The following EVC2 variants were observed in gnomAD, a reference collection of about 807,000 sequenced individuals.
EVC2 encodes limbin.
A neutral mutation model predicts 149.3 loss-of-function variants in EVC2; 148 were observed. The ratio of observed to expected loss-of-function variants is 0.99; its 90% CI spans 0.87 to 1.14. The LOEUF is 1.14. EVC2 is among the 50% of genes most tolerant of loss of function. The probability of loss-of-function intolerance (pLI) is 0.00; values close to 1 mark genes in which losing one functional copy is unlikely to be tolerated. For missense variants in EVC2, 1,854 were observed against 1,627.3 expected (o/e 1.14, Z -2.40); for synonymous variants, 776 against 649.9 (o/e 1.19, Z -2.95).
intron 11 of EVC2, among the ~76,000 whole-genome samples, chr4:5,630,813 A>G (rs776886001): frequency 2.7e-4 from 41 of 152,184 alleles, no homozygotes; most frequent in Non-Finnish European, 5.3e-4. Context: ...CTAAAGAATG[A>G]CATTTGCATT....
chr4:5,542,639 G>C (rs1721535217), downstream of EVC2: 1 of 157,128 alleles, frequency 6.4e-6, no homozygotes, highest in African/African-American at 2.4e-5. Flanking sequence ...TCTGTGCCCA[G>C]TATTTGATGA....
At chr4:5,688,744 C>A (rs951909308) in intron 5 of EVC2, among the ~76,000 whole-genome samples, 2 of 152,166 alleles carry the variant, frequency 1.3e-5, no homozygotes, top group Non-Finnish European at 2.9e-5. Flanking sequence ...TCAACCCACT[C>A]CCACTCTGTC....
chr4:5,547,980 C>T (rs1205773437), intron 21 of EVC2, among the ~76,000 whole-genome samples: 2 of 152,158 alleles, frequency 1.3e-5, no homozygotes, highest in African/African-American at 4.8e-5. Flanking sequence ...TGGAAGCTAC[C>T]TGTGGTGCAC....
chr4:5,577,725 C>T (rs73794657), intron 17 of EVC2, among the ~76,000 whole-genome samples: 4,938 of 152,264 alleles, frequency 0.032, 263 homozygotes, highest in African/African-American at 0.11. Context: ...TTCTATCCCC[C>T]CCAAGCATTT....
At chr4:5,669,080 C>T (rs1456444960) in intron 7 of EVC2, among the ~76,000 whole-genome samples, 2 of 152,132 alleles carry the variant, frequency 1.3e-5, no homozygotes, top group African/African-American at 4.8e-5. Context: ...TCAAGGAATG[C>T]TAAGGATTTC....
rs144730069 is a variant in EVC2 at position 5,681,266 on chromosome 4, G to A, written c.864C>T (p.Asn288=). The A allele has an allele frequency of 4.3e-3, 6,937 of 1,614,144 alleles. 31 individuals are homozygous for A. Among genetic ancestry groups the A allele is most frequent in the Non-Finnish European group, 5.3e-3 (6,285 of 1,179,982 alleles). Residue 288 remains asparagine (N), a synonymous_variant, in exon 7 of 22, where the codon AAC becomes AAT. Coordinates refer to ENST00000344408, the MANE Select transcript of EVC2 (RefSeq NM_147127.5). The part of the protein sequence containing the change: ...KVLFSITAEE[N]VTVLPHHGLH... ...GGCATGTCATGTCTCTTACCGTTAC[G>A]TTTTCTTCTGCTGTTATGGAAAAAA...
chr4:5,555,492 G>A, intron 21 of EVC2, among the ~76,000 whole-genome samples: 1 of 152,138 alleles, frequency 6.6e-6, no homozygotes, highest in Non-Finnish European at 1.5e-5. Context: ...AACTAAAAGA[G>A]AGCTGGGATA....
chr4:5,551,897 C>T (rs1160583206), intron 21 of EVC2, among the ~76,000 whole-genome samples: 4 of 152,138 alleles, frequency 2.6e-5, no homozygotes, highest in Non-Finnish European at 4.4e-5. Context: ...TGCCTGCCAC[C>T]ATCCATGTAA....
chr4:5,541,072 C>G (rs1256410920), downstream of EVC2, among the ~76,000 whole-genome samples: 2 of 152,198 alleles, frequency 1.3e-5, no homozygotes, highest in East Asian at 3.8e-4. Flanking sequence ...TGCCGCTGGC[C>G]TTTTCCGACA....
chr4:5,643,242 A>G (rs1421642776), intron 9 of EVC2, among the ~76,000 whole-genome samples: 1 of 152,208 alleles, frequency 6.6e-6, no homozygotes, highest in African/African-American at 2.4e-5. Flanking sequence ...AGAGGGATGA[A>G]ATTCCCACGT....
In EVC2 at chr4:5,655,180, A is replaced by G. The variant is rs1016222441; in HGVS notation, c.1145+7927T>C. On this transcript the variant is annotated intron_variant, in intron 9 of 21. Transcript: ENST00000344408. ...CCAGTGACCCCTTTACAAACCCCAT[A>G]AGAACCCCGTCATGTCAGGTGCTGC... Among the ~76,000 whole-genome samples the G allele has an allele frequency of 5.3e-5, 8 of 152,098 alleles. 1 individual carries two copies. Among genetic ancestry groups the G allele is most frequent in the Admixed American group, 2.6e-4 (4 of 15,280 alleles).
At chr4:5,533,877 T>C in the EVC2 span, among the ~76,000 whole-genome samples, 5 of 151,926 alleles carry the variant, frequency 3.3e-5, no homozygotes, top group South Asian at 8.3e-4. Flanking sequence ...TGTTCAGAAA[T>C]AGATGGTGCA....
intron 16 of EVC2, among the ~76,000 whole-genome samples, chr4:5,603,432 C>T (rs1036282792): frequency 2.0e-5 from 3 of 152,132 alleles, no homozygotes; most frequent in African/African-American, 7.2e-5. Flanking sequence ...TTCAACATGC[C>T]TTCTTTTCTG....
Position 5,673,283 on chromosome 4 carries a change from T to C in EVC2, c.871-7634A>G, listed in dbSNP as rs1371368382. 2.6e-5 allele frequency among the ~76,000 whole-genome samples: 4 copies of C among 152,184 alleles called. No homozygotes were observed. The East Asian group carries it at 7.7e-4, about 29-fold the overall frequency. ...CAGTCAACAGAGTGTTGTGATGGAA[T>C]GTATATGTAAGAAGCCAGACACAGG... On this transcript the variant is annotated intron_variant, in intron 7 of 21. Transcript: ENST00000344408.
chr4:5,593,640 G>T (rs6854065), intron 16 of EVC2, among the ~76,000 whole-genome samples: 2 of 152,000 alleles, frequency 1.3e-5, no homozygotes, highest in Non-Finnish European at 2.9e-5. Flanking sequence ...CAGCGTGAGC[G>T]ACGCACAAGA....
At chr4:5,645,801 T>C (rs545408806) in intron 9 of EVC2, among the ~76,000 whole-genome samples, 24 of 152,350 alleles carry the variant, frequency 1.6e-4, no homozygotes, top group African/African-American at 5.8e-4. Context: ...CTGGGTTGAA[T>C]AGTAGTTCTG....
In EVC2 at chr4:5,603,134, C is replaced by G. The variant is rs114906075; in HGVS notation, c.2829+12288G>C. 3.5e-3 allele frequency among the ~76,000 whole-genome samples: 534 copies of G among 152,230 alleles called. 3 individuals are homozygous for G. The highest frequency in any genetic ancestry group is 0.013 in the African/African-American group (520 of 41,538). ...TAAATTAAAACCATCCAAAGATAGCCAGGGTAACCTTTTGGCATGTGAAAG... is the reference window on the plus strand; with the variant it reads ...TAAATTAAAACCATCCAAAGATAGCGAGGGTAACCTTTTGGCATGTGAAAG... On this transcript the variant is annotated intron_variant, in intron 16 of 21. Coordinates refer to ENST00000344408, the MANE Select transcript of EVC2 (RefSeq NM_147127.5).
intron 16 of EVC2, among the ~76,000 whole-genome samples, chr4:5,604,587 C>T (rs565812722): frequency 2.6e-5 from 4 of 152,140 alleles, no homozygotes; most frequent in African/African-American, 9.6e-5. Flanking sequence ...TTAATGAGGA[C>T]AAACATACAG....
At chr4:5,593,837 G>A (rs1713088307) in intron 16 of EVC2, among the ~76,000 whole-genome samples, 1 of 152,158 alleles carries the variant, frequency 6.6e-6, no homozygotes, top group African/African-American at 2.4e-5. Context: ...GGTGACAGAT[G>A]GCACCTGGAA....
Sources: allele counts gnomAD v4.1 joint callset (sites outside exome capture counted in the v4.1 genomes callset), GRCh38; gene constraint gnomAD v4.1.1; transcripts MANE v1.5; gene names NCBI Gene and HGNC (gene_info 2026-07-23, HGNC 2026-07-21).